Variants in ZBTB20 observed in about 807,000 individuals in gnomAD.
ZBTB20 encodes zinc finger and BTB domain containing 20, also known as zinc finger and BTB domain-containing protein 20.
ZBTB20 carries 9 observed loss-of-function variants against 56.9 expected under a neutral mutation model. The observed-to-expected ratio is 0.16, with a 90% CI of 0.10 to 0.28. The LOEUF is 0.28. Among genes scored for constraint, ZBTB20 ranks in the 10% least tolerant of loss-of-function variants. The probability of loss-of-function intolerance (pLI) is 1.00; values close to 1 mark genes in which losing one functional copy is unlikely to be tolerated. For missense variants in ZBTB20, 655 were observed against 1,003.0 expected (o/e 0.65, Z 4.69); for synonymous variants, 417 against 420.7 (o/e 0.99, Z 0.11).
rs1160479062 is a variant in ZBTB20, at chr3:114,662,117, A to G, written c.-295+31411T>C. ...CCCCTTCATGTGTCCATGTGATCTC[A>G]TTGTTCAATTCCCACCTATGAGTGA... On this transcript the variant is annotated intron_variant, in intron 6 of 11. Coordinates refer to ENST00000675478, the MANE Select transcript of ZBTB20 (RefSeq NM_001348800.3). 5.1e-5 allele frequency among the ~76,000 whole-genome samples: 7 copies of G among 137,742 alleles called. No homozygotes were observed. In the East Asian group the frequency reaches 1.5e-3, roughly 30 times the overall value. 90.4% of individuals were successfully genotyped at this position (137,742 alleles called of 152,430 possible).
intron 5 of ZBTB20, among the ~76,000 whole-genome samples, chr3:114,751,601 C>A (rs2951799): frequency 3.9e-5 from 6 of 152,090 alleles, no homozygotes; most frequent in African/African-American, 1.2e-4. Flanking sequence ...TATTTCTTAT[C>A]ATTTTCCATC....
intron 4 of ZBTB20, among the ~76,000 whole-genome samples, chr3:114,832,736 A>C (rs2073921965): frequency 6.6e-6 from 1 of 152,142 alleles, no homozygotes. Context: ...CTTAGATACT[A>C]AATTTGTGAA....
chr3:114,865,466 G>T (rs1403953411), intron 4 of ZBTB20, among the ~76,000 whole-genome samples: 1 of 152,082 alleles, frequency 6.6e-6, no homozygotes, highest in Non-Finnish European at 1.5e-5. Context: ...AAACGGGCAA[G>T]ATAGAGTCAC....
intron 7 of ZBTB20, among the ~76,000 whole-genome samples, chr3:114,414,837 A>C (rs1380369944): frequency 1.3e-5 from 2 of 150,804 alleles, no homozygotes; most frequent in East Asian, 3.9e-4. Flanking sequence ...AATAGGAGCT[A>C]TTTGTGAGTT....
intron 7 of ZBTB20, among the ~76,000 whole-genome samples, chr3:114,402,697 C>T (rs1010239982): frequency 1.3e-5 from 2 of 152,060 alleles, no homozygotes; most frequent in Non-Finnish European, 2.9e-5. Context: ...TTAAATTGTT[C>T]GTAGAGTTGG....
chr3:114,530,814 C>A (rs1323668116), intron 6 of ZBTB20, among the ~76,000 whole-genome samples: 3 of 152,056 alleles, frequency 2.0e-5, no homozygotes, highest in African/African-American at 7.2e-5. Flanking sequence ...CTCATCACTG[C>A]CCCTCCCTGA....
chr3:114,583,229 T>G (rs1051380223), intron 6 of ZBTB20, among the ~76,000 whole-genome samples: 4 of 152,184 alleles, frequency 2.6e-5, no homozygotes, highest in Non-Finnish European at 5.9e-5. Context: ...TGCCAGCCAC[T>G]GCTACTCTAA....
intron 10 of ZBTB20, among the ~76,000 whole-genome samples, chr3:114,361,962 G>A (rs2081937302): frequency 6.6e-6 from 1 of 152,148 alleles, no homozygotes. Flanking sequence ...AGGCTCAATG[G>A]CATCTTTGTG....
At position 114,350,387 on chromosome 3, in the gene ZBTB20, G is replaced by A; in HGVS notation, c.1691C>T (p.Ala564Val). Reference protein sequence around the residue: ...LPAPQPLASSAGHSTASGQGE... With the variant: ...LPAPQPLASSVGHSTASGQGE... ...TTGCCCACTGGCTGTGCTGTGGCCT[G>A]CGGATGAGGCCAGGGGCTGTGGCGC... The change falls in exon 11 of 12, where the codon GCA (alanine) becomes GTA (valine). Residue 564 changes from alanine (A) to valine (V), a missense_variant. Coordinates refer to ENST00000675478, the MANE Select transcript of ZBTB20 (RefSeq NM_001348800.3). 2 of 1,614,194 alleles carry A rather than the reference G, an allele frequency of 1.2e-6. No homozygotes were observed.
At chr3:115,018,371 C>A (rs1051169661) in intron 2 of ZBTB20, among the ~76,000 whole-genome samples, 1 of 151,246 alleles carries the variant, frequency 6.6e-6, no homozygotes, top group African/African-American at 2.4e-5. Flanking sequence ...ATTATTTATT[C>A]TCCCAAAGTT....
chr3:114,776,003 G>C (rs1447970097), intron 5 of ZBTB20, among the ~76,000 whole-genome samples: 1 of 150,118 alleles, frequency 6.7e-6, no homozygotes, highest in Non-Finnish European at 1.5e-5. Flanking sequence ...GCCTGGATCT[G>C]CCATGTTGTT....
intron 7 of ZBTB20, among the ~76,000 whole-genome samples, chr3:114,436,479 A>C (rs2090523739): frequency 6.6e-6 from 1 of 152,154 alleles, no homozygotes; most frequent in Non-Finnish European, 1.5e-5. Flanking sequence ...AAATTTGCAA[A>C]ATGCCCAGAG....
At chr3:114,598,148 A>C (rs1681560619) in intron 6 of ZBTB20, among the ~76,000 whole-genome samples, 1 of 152,102 alleles carries the variant, frequency 6.6e-6, no homozygotes, top group Non-Finnish European at 1.5e-5. Context: ...AGACTGTAAA[A>C]TTTTTATACT....
intron 2 of ZBTB20, among the ~76,000 whole-genome samples, chr3:115,003,168 G>A (rs1270327571): frequency 6.6e-6 from 1 of 151,624 alleles, no homozygotes; most frequent in Non-Finnish European, 1.5e-5. Context: ...AACAGGTAGA[G>A]TACAGAGGAT....
chr3:114,848,786 G>A (rs997068755), intron 4 of ZBTB20, among the ~76,000 whole-genome samples: 39 of 152,298 alleles, frequency 2.6e-4, no homozygotes, highest in South Asian at 6.2e-4. Context: ...TGCCCAGGGC[G>A]GCTACCTCCT....
intron 3 of ZBTB20, among the ~76,000 whole-genome samples, chr3:114,965,568 T>TA (rs2077616652): frequency 6.6e-6 from 1 of 152,168 alleles, no homozygotes; most frequent in African/African-American, 2.4e-5. Context: ...TTATTTCACT[T>TA]AAAAATCCTC....
intron 5 of ZBTB20, among the ~76,000 whole-genome samples, chr3:114,741,376 C>A (rs2066559520): frequency 6.6e-6 from 1 of 152,100 alleles, no homozygotes; most frequent in South Asian, 2.1e-4. Flanking sequence ...CAAATAATTT[C>A]TTTCTGTCCA....
At chr3:115,096,411 G>A (rs1382691536) in intron 1 of ZBTB20, among the ~76,000 whole-genome samples, 1 of 152,112 alleles carries the variant, frequency 6.6e-6, no homozygotes, top group Non-Finnish European at 1.5e-5. Flanking sequence ...TTTTACTTAT[G>A]TTTTACAGTA....
At chr3:114,672,704 T>G (rs987963354) in intron 6 of ZBTB20, among the ~76,000 whole-genome samples, 9 of 152,204 alleles carry the variant, frequency 5.9e-5, no homozygotes, top group Admixed American at 3.3e-4. Flanking sequence ...CTGGAAGCGC[T>G]GTAGCGTAAT....
Sources: allele counts gnomAD v4.1 joint callset (sites outside exome capture counted in the v4.1 genomes callset), GRCh38; gene constraint gnomAD v4.1.1; transcripts MANE v1.5; gene names NCBI Gene and HGNC (gene_info 2026-07-23, HGNC 2026-07-21).